GRM8: variants seen among roughly 807,000 people sequenced by gnomAD.
GRM8 encodes the protein glutamate metabotropic receptor 8, also known as metabotropic glutamate receptor 8.
In GRM8, 47 loss-of-function variants were observed where a neutral mutation model predicts 87.2. The ratio of observed to expected loss-of-function variants is 0.54; its 90% CI spans 0.43 to 0.69. The LOEUF is 0.69. Among genes scored for constraint, GRM8 ranks in the 30% least tolerant of loss-of-function variants. GRM8 has a pLI of 0.00. For synonymous variants in GRM8, 396 were observed against 404.5 expected (o/e 0.98, Z 0.25); for missense variants, 1,019 against 1,139.2 (o/e 0.89, Z 1.52).
At chr7:126,615,839 T>C (rs1186935381) in intron 7 of GRM8, among the ~76,000 whole-genome samples, 4 of 152,180 alleles carry the variant, frequency 2.6e-5, no homozygotes, top group African/African-American at 7.2e-5. Context: ...CTTAAATATA[T>C]ATGCACCCAA....
chr7:126,989,178 G>A (rs1046180247), intron 3 of GRM8, among the ~76,000 whole-genome samples: 3 of 152,062 alleles, frequency 2.0e-5, no homozygotes, highest in Admixed American at 2.0e-4. Context: ...GGCTCTTAGG[G>A]TACAATAAAT....
At chr7:127,182,383 T>G (rs1393144258) in intron 2 of GRM8, among the ~76,000 whole-genome samples, 1 of 152,084 alleles carries the variant, frequency 6.6e-6, no homozygotes, top group Non-Finnish European at 1.5e-5. Context: ...GGAACACTTC[T>G]ACACTGCTAG....
intron 7 of GRM8, among the ~76,000 whole-genome samples, chr7:126,719,793 A>ATT (rs34974130): frequency 1.4e-4 from 19 of 138,084 alleles, no homozygotes; most frequent in African/African-American, 1.9e-4. Flanking sequence ...GAGTGGGTGG[A>ATT]TTTTTTTTTT....
chr7:126,831,429 C>T (rs187118934), intron 6 of GRM8, among the ~76,000 whole-genome samples: 2,807 of 152,192 alleles, frequency 0.018, 100 homozygotes, highest in African/African-American at 0.065. Flanking sequence ...CCCCCAGCCT[C>T]GCCACCTTGC....
At chr7:126,806,598 G>A (rs983326296) in intron 6 of GRM8, among the ~76,000 whole-genome samples, 1 of 152,222 alleles carries the variant, frequency 6.6e-6, no homozygotes, top group Non-Finnish European at 1.5e-5. Context: ...GCTAGACACA[G>A]AGTGCTGATT....
Position 126,533,858 on chromosome 7 carries a change from T to C in GRM8, c.1524A>G (p.Glu508=), listed in dbSNP as rs1277338818. ...KVEDMQWAHR[E]HTHPASVCSL... ...TGCAGACAGACGCCGGGTGAGTATG[T>C]TCTCTATGAGCCCACTGCATGTCTT... is the stretch of plus-strand genomic sequence containing the variant. Residue 508 remains glutamate, a synonymous_variant, in exon 9 of 11, where the codon GAA becomes GAG. Transcript: ENST00000339582. The C allele has an allele frequency of 6.2e-7, 1 of 1,613,878 alleles. No homozygotes were observed. The highest frequency in any genetic ancestry group is 1.7e-5 in the Admixed American group (1 of 60,004).
At position 126,793,724 on chromosome 7, in the gene GRM8, G is replaced by A. The variant is rs2237769; in HGVS notation, c.1157-23659C>T. Among the ~76,000 whole-genome samples the A allele has an allele frequency of 2.8e-3, 431 of 152,272 alleles. 6 individuals carry two copies. In the East Asian group the frequency reaches 0.048, roughly 17 times the overall value. ...TGATCCAATTGAGTAGCTAGTAAAT[G>A]TTTGTAATAACAAGCAAATAGTAAT... On this transcript the variant is annotated intron_variant, in intron 6 of 10. Transcript: ENST00000339582.
chr7:126,990,726 A>G (rs1490505578), intron 3 of GRM8, among the ~76,000 whole-genome samples: 2 of 152,240 alleles, frequency 1.3e-5, no homozygotes, highest in African/African-American at 4.8e-5. Flanking sequence ...AATGGGCATA[A>G]GTGAAATTGC....
rs144866350 is a variant in GRM8 at position 126,665,470 on chromosome 7, G to T, written c.1358-55972C>A. 8.9e-4 allele frequency among the ~76,000 whole-genome samples: 135 copies of T among 152,214 alleles called. 1 individual carries two copies. The highest frequency in any genetic ancestry group is 1.5e-3 in the Non-Finnish European group (100 of 67,984). On this transcript the variant is annotated intron_variant, in intron 7 of 10. Coordinates refer to ENST00000339582, the MANE Select transcript of GRM8 (RefSeq NM_000845.3). ...TTGCAGCACTGTGGATGCAGCTAGA[G>T]GCCATTATCCTAAGAAAATTAATGC...
At chr7:126,853,389 G>A (rs1397737435) in intron 6 of GRM8, among the ~76,000 whole-genome samples, 3 of 152,024 alleles carry the variant, frequency 2.0e-5, no homozygotes, top group Admixed American at 6.6e-5. Context: ...CTTACTTTAA[G>A]AGGCTCCAGG....
chr7:126,803,968 T>C (rs113304287), intron 6 of GRM8, among the ~76,000 whole-genome samples: 2,589 of 152,310 alleles, frequency 0.017, 80 homozygotes, highest in African/African-American at 0.058. Context: ...CCCTGACTGA[T>C]TGAGTACCTT....
At chr7:127,213,359 A>G (rs563334655) in intron 2 of GRM8, among the ~76,000 whole-genome samples, 21 of 152,346 alleles carry the variant, frequency 1.4e-4, no homozygotes, top group Admixed American at 8.5e-4. Flanking sequence ...ATTATATACT[A>G]GATTTTGAAG....
At chr7:127,022,492 G>C (rs1177044656) in intron 3 of GRM8, among the ~76,000 whole-genome samples, 1 of 151,978 alleles carries the variant, frequency 6.6e-6, no homozygotes, top group Non-Finnish European at 1.5e-5. Context: ...ACCCTGACAG[G>C]GGAAGAGAGA....
chr7:127,075,967 G>A, intron 3 of GRM8: 1 of 354,398 alleles, frequency 2.8e-6, no homozygotes, highest in South Asian at 2.2e-5. Flanking sequence ...CACAGAGACA[G>A]TGCTACAATG....
intron 6 of GRM8, among the ~76,000 whole-genome samples, chr7:126,854,271 T>C (rs1340253312): frequency 6.6e-6 from 1 of 152,222 alleles, no homozygotes; most frequent in African/African-American, 2.4e-5. Context: ...ATCCTTCATT[T>C]AGATTACATC....
chr7:126,867,233 T>C (rs1798679020), intron 6 of GRM8, among the ~76,000 whole-genome samples: 1 of 152,168 alleles, frequency 6.6e-6, no homozygotes, highest in Non-Finnish European at 1.5e-5. Context: ...ACTAAACAGG[T>C]CAGCGAGTTC....
At chr7:126,684,174 T>C (rs1364097075) in intron 7 of GRM8, among the ~76,000 whole-genome samples, 1 of 152,110 alleles carries the variant, frequency 6.6e-6, no homozygotes, top group Non-Finnish European at 1.5e-5. Context: ...TCACTGTATA[T>C]GGAGTGGGCG....
chr7:126,746,266 T>C (rs1368077423), intron 7 of GRM8, among the ~76,000 whole-genome samples: 1 of 151,774 alleles, frequency 6.6e-6, no homozygotes, highest in Non-Finnish European at 1.5e-5. Context: ...TATGCCATAG[T>C]ACTCATATTA....
intron 9 of GRM8, among the ~76,000 whole-genome samples, chr7:126,470,713 G>T (rs143447917): frequency 1.3e-5 from 2 of 152,064 alleles, no homozygotes; most frequent in South Asian, 4.1e-4. Flanking sequence ...CCCAGTAATG[G>T]GATTACTAGG....
Sources: allele counts gnomAD v4.1 joint callset (sites outside exome capture counted in the v4.1 genomes callset), GRCh38; gene constraint gnomAD v4.1.1; transcripts MANE v1.5; gene names NCBI Gene and HGNC (gene_info 2026-07-23, HGNC 2026-07-21).